The following AGMO variants were observed in gnomAD, a reference collection of about 807,000 sequenced individuals.
AGMO encodes glyceryl-ether monooxygenase.
In AGMO, 75 loss-of-function variants were observed where a neutral mutation model predicts 60.2. The observed-to-expected ratio is 1.25, with a 90% CI of 1.03 to 1.51. The LOEUF (loss-of-function observed/expected upper bound fraction) is 1.51. AGMO is among the 40% of genes most tolerant of loss of function. AGMO has a pLI of 0.00. For missense variants in AGMO, 763 were observed against 525.5 expected (o/e 1.45, Z -4.42); for synonymous variants, 261 against 177.1 (o/e 1.47, Z -3.76).
At chr7:15,511,192 TC>T (rs1783661990) in intron 3 of AGMO, among the ~76,000 whole-genome samples, 1 of 151,978 alleles carries the variant, frequency 6.6e-6, no homozygotes, top group Non-Finnish European at 1.5e-5. Flanking sequence ...CAAGGTGCCA[TC>T]CTATCACAGG....
chr7:15,452,333 A>C (rs1399759901), intron 3 of AGMO, among the ~76,000 whole-genome samples: 1 of 152,180 alleles, frequency 6.6e-6, no homozygotes, highest in East Asian at 1.9e-4. Context: ...TACAAATAAA[A>C]TATCTGATAA....
At chr7:15,516,326 A>G (rs968485950) in intron 3 of AGMO, among the ~76,000 whole-genome samples, 1 of 152,132 alleles carries the variant, frequency 6.6e-6, no homozygotes, top group African/African-American at 2.4e-5. Flanking sequence ...TAAATGATTC[A>G]TTTCTATTTT....
chr7:15,409,262 A>T (rs1489935061), intron 5 of AGMO, among the ~76,000 whole-genome samples: 1 of 151,982 alleles, frequency 6.6e-6, no homozygotes, highest in African/African-American at 2.4e-5. Context: ...AAGAATTACA[A>T]CTGATCTTGG....
At chr7:15,331,768 A>G (rs1055640647) in intron 12 of AGMO, among the ~76,000 whole-genome samples, 13 of 152,086 alleles carry the variant, frequency 8.5e-5, no homozygotes, top group African/African-American at 3.1e-4. Flanking sequence ...CTCTACTAAA[A>G]ATATAAAATT....
intron 12 of AGMO, among the ~76,000 whole-genome samples, chr7:15,334,815 G>C (rs1781603514): frequency 6.6e-6 from 1 of 152,118 alleles, no homozygotes; most frequent in Non-Finnish European, 1.5e-5. Flanking sequence ...CATACCCATG[G>C]CGTGTTTTCC....
the AGMO span, among the ~76,000 whole-genome samples, chr7:15,124,915 T>TA: frequency 2.6e-5 from 4 of 151,976 alleles, no homozygotes; most frequent in Admixed American, 2.6e-4. Flanking sequence ...AACTAGAACA[T>TA]AGTCTAATGG....
At chr7:15,502,874 T>C (rs910777857) in intron 3 of AGMO, among the ~76,000 whole-genome samples, 4 of 152,004 alleles carry the variant, frequency 2.6e-5, no homozygotes, top group Non-Finnish European at 5.9e-5. Flanking sequence ...TGTGATCAAA[T>C]TGCAGTTCCA....
intron 10 of AGMO, among the ~76,000 whole-genome samples, chr7:15,367,226 T>C (rs558726211): frequency 6.6e-6 from 1 of 151,396 alleles, no homozygotes; most frequent in Non-Finnish European, 1.5e-5. Context: ...GTTTTTATCC[T>C]AATGTACTGG....
chr7:15,437,192 C>A (rs1781426209), intron 3 of AGMO, among the ~76,000 whole-genome samples: 1 of 152,096 alleles, frequency 6.6e-6, no homozygotes, highest in South Asian at 2.1e-4. Context: ...TTTCACTATT[C>A]TTTATTCATT....
At chr7:15,286,430 C>T (rs898223190) in intron 12 of AGMO, among the ~76,000 whole-genome samples, 1 of 152,020 alleles carries the variant, frequency 6.6e-6, no homozygotes, top group Non-Finnish European at 1.5e-5. Flanking sequence ...ATAGACATTT[C>T]TCAAAAGAAG....
At chr7:15,158,645 C>A in the AGMO span, among the ~76,000 whole-genome samples, 1 of 152,130 alleles carries the variant, frequency 6.6e-6, no homozygotes, top group Non-Finnish European at 1.5e-5. Context: ...CCCAAAGGCA[C>A]AGAGAACTTA....
intron 12 of AGMO, among the ~76,000 whole-genome samples, chr7:15,353,669 T>C (rs765811126): frequency 1.3e-5 from 2 of 152,238 alleles, no homozygotes; most frequent in South Asian, 2.1e-4. Flanking sequence ...ATCAGAAATA[T>C]ATATTAGTGT....
At chr7:15,298,578 T>G (rs1268773027) in intron 12 of AGMO, among the ~76,000 whole-genome samples, 1 of 152,056 alleles carries the variant, frequency 6.6e-6, no homozygotes, top group Non-Finnish European at 1.5e-5. Context: ...ATTTGTGTAT[T>G]TTTTGAAGAG....
rs756832586 is a variant in AGMO at position 15,299,830 on chromosome 7, TACACACACACACACACACACACAC to T, written c.1263+65660_1263+65683del. On this transcript the variant is annotated intron_variant, in intron 12 of 12. Transcript: ENST00000342526. ...GAGACAGAGCAAGACTCTGTCTACA[TACACACACACACACACACACACAC>T]ACACACACACACACACACACACACA... Among the ~76,000 whole-genome samples the T allele has an allele frequency of 1.2e-4, 6 of 48,196 alleles. No homozygotes were observed. In the East Asian group the frequency reaches 1.5e-3, roughly 12 times the overall value. 31.6% of individuals were successfully genotyped at this position (48,196 alleles called of 152,430 possible).
At chr7:15,396,000 A>T (rs747396167) in intron 5 of AGMO, 1 of 152,172 alleles carries the variant, frequency 6.6e-6, no homozygotes, top group Non-Finnish European at 1.5e-5. Flanking sequence ...CTGGGACAGG[A>T]GCCATCATCA....
intron 12 of AGMO, among the ~76,000 whole-genome samples, chr7:15,355,174 G>A (rs558796384): frequency 6.6e-6 from 1 of 152,094 alleles, no homozygotes; most frequent in East Asian, 1.9e-4. Context: ...ATCATCATCT[G>A]TGCACTTAAA....
intron 12 of AGMO, among the ~76,000 whole-genome samples, chr7:15,238,123 G>A (rs747942727): frequency 2.6e-5 from 4 of 151,678 alleles, no homozygotes; most frequent in Non-Finnish European, 4.4e-5. Flanking sequence ...TGGAGCTGAG[G>A]TCAATTTCTC....
chr7:15,410,738 C>A (rs561042463), intron 5 of AGMO, among the ~76,000 whole-genome samples: 1 of 151,926 alleles, frequency 6.6e-6, no homozygotes, highest in Admixed American at 6.6e-5. Context: ...ATAATGTAAA[C>A]TGCATCTTTC....
downstream of AGMO, among the ~76,000 whole-genome samples, chr7:15,196,112 G>A (rs577921053): frequency 3.0e-3 from 447 of 150,708 alleles, 4 homozygotes; most frequent in Non-Finnish European, 4.3e-3. Context: ...GTGTGATCTC[G>A]GCTCACTGCA....
Sources: allele counts gnomAD v4.1 joint callset (sites outside exome capture counted in the v4.1 genomes callset), GRCh38; gene constraint gnomAD v4.1.1; transcripts MANE v1.5; gene names NCBI Gene and HGNC (gene_info 2026-07-23, HGNC 2026-07-21).